Variants in JAKMIP2 observed in about 807,000 individuals in gnomAD.
JAKMIP2 encodes the protein janus kinase and microtubule-interacting protein 2.
JAKMIP2 carries 25 observed loss-of-function variants against 115.0 expected under a neutral mutation model. The ratio of observed to expected loss-of-function variants is 0.22; its 90% CI spans 0.16 to 0.30. The LOEUF is 0.30. Among genes scored for constraint, JAKMIP2 ranks in the 10% least tolerant of loss-of-function variants. The pLI, the probability that JAKMIP2 is intolerant of heterozygous loss-of-function variation, is 1.00. For synonymous variants in JAKMIP2, 334 were observed against 343.6 expected (o/e 0.97, Z 0.31); for missense variants, 642 against 957.6 (o/e 0.67, Z 4.35).
Position 147,782,437 on chromosome 5 carries a change from C to T in JAKMIP2, c.-149+19G>A. ...GAACACTCTAAACCAAGAAGGGAGC[C>T]CTACTGTTTCCTACTCACCATGCTG... On this transcript the variant is annotated intron_variant, in intron 1 of 21. Coordinates refer to ENST00000616793, the MANE Select transcript of JAKMIP2 (RefSeq NM_001270941.2). The T allele has an allele frequency of 1.3e-6, 2 of 1,535,684 alleles. No homozygotes were observed. The highest frequency in any genetic ancestry group is 1.4e-5 in the African/African-American group (1 of 73,114).
intron 1 of JAKMIP2, among the ~76,000 whole-genome samples, chr5:147,676,264 A>G (rs1759955909): frequency 1.3e-5 from 2 of 152,188 alleles, no homozygotes; most frequent in African/African-American, 4.8e-5. Flanking sequence ...TGAACCCGGG[A>G]GGCGGAGCTT....
At chr5:147,695,637 G>T (rs1028729503) in intron 1 of JAKMIP2, among the ~76,000 whole-genome samples, 1 of 149,240 alleles carries the variant, frequency 6.7e-6, no homozygotes, top group Non-Finnish European at 1.5e-5. Flanking sequence ...CTATTGTTAC[G>T]GAAGTGAAAG....
intron 1 of JAKMIP2, among the ~76,000 whole-genome samples, chr5:147,705,173 GTTGATCAAGCTGAGT>G (rs1752514614): frequency 6.6e-6 from 1 of 152,142 alleles, no homozygotes; most frequent in Admixed American, 6.6e-5. Context: ...AAAAACTTGT[GTTGATCAAGCTGAGT>G]TTGAACCCTC....
At chr5:147,698,165 G>A (rs556568120) in intron 1 of JAKMIP2, among the ~76,000 whole-genome samples, 2 of 152,300 alleles carry the variant, frequency 1.3e-5, no homozygotes, top group East Asian at 3.9e-4. Context: ...AAACTTTAGG[G>A]TTTAATGACT....
intron 3 of JAKMIP2, among the ~76,000 whole-genome samples, chr5:147,652,147 T>C (rs1758429732): frequency 1.3e-5 from 2 of 152,094 alleles, no homozygotes; most frequent in Non-Finnish European, 2.9e-5. Flanking sequence ...TTTATAACAA[T>C]CCTATTCAGT....
intron 1 of JAKMIP2, among the ~76,000 whole-genome samples, chr5:147,736,468 T>A (rs961875760): frequency 7.9e-5 from 12 of 151,910 alleles, no homozygotes; most frequent in African/African-American, 1.5e-4. Context: ...AAAAAATAAA[T>A]AATTAAAAAT....
At chr5:147,727,354 T>A (rs185009514) in intron 1 of JAKMIP2, among the ~76,000 whole-genome samples, 43 of 152,318 alleles carry the variant, frequency 2.8e-4, no homozygotes, top group Non-Finnish European at 5.4e-4. Flanking sequence ...TTTACACTGA[T>A]ATAAAGAACT....
At chr5:147,757,483 C>A (rs988937085) in intron 1 of JAKMIP2, among the ~76,000 whole-genome samples, 1 of 152,060 alleles carries the variant, frequency 6.6e-6, no homozygotes, top group African/African-American at 2.4e-5. Context: ...GAGAGCTACT[C>A]AAATCAACTG....
intron 18 of JAKMIP2, among the ~76,000 whole-genome samples, chr5:147,620,025 C>A (rs899382499): frequency 2.0e-5 from 3 of 152,104 alleles, no homozygotes; most frequent in African/African-American, 7.2e-5. Flanking sequence ...AATAAAATTT[C>A]TCTTTAATCT....
chr5:147,775,759 G>C (rs999645157), intron 1 of JAKMIP2, among the ~76,000 whole-genome samples: 2 of 152,148 alleles, frequency 1.3e-5, no homozygotes, highest in Non-Finnish European at 2.9e-5. Context: ...TCTTAGGCCA[G>C]GAGCCCTTTA....
At chr5:147,674,884 G>A (rs1178751767) in intron 1 of JAKMIP2, among the ~76,000 whole-genome samples, 1 of 152,142 alleles carries the variant, frequency 6.6e-6, no homozygotes, top group Non-Finnish European at 1.5e-5. Flanking sequence ...TCAGTATTAT[G>A]GAAGATGGTG....
intron 1 of JAKMIP2, among the ~76,000 whole-genome samples, chr5:147,697,200 G>T (rs1752139927): frequency 6.6e-6 from 1 of 152,120 alleles, no homozygotes; most frequent in Non-Finnish European, 1.5e-5. Flanking sequence ...TTAGAATCAT[G>T]GCAGGAGGTG....
At chr5:147,604,377 C>A (rs1213357838) in intron 20 of JAKMIP2, among the ~76,000 whole-genome samples, 4 of 151,998 alleles carry the variant, frequency 2.6e-5, no homozygotes, top group African/African-American at 9.7e-5. Context: ...TCATGGAACC[C>A]ATGGGAAGAA....
intron 1 of JAKMIP2, among the ~76,000 whole-genome samples, chr5:147,749,560 G>T (rs1754476816): frequency 6.6e-6 from 1 of 152,088 alleles, no homozygotes; most frequent in South Asian, 2.1e-4. Flanking sequence ...TCTGTGAGTT[G>T]TGCATATATC....
At chr5:147,748,022 T>TTGACTGAA (rs1290798916) in intron 1 of JAKMIP2, among the ~76,000 whole-genome samples, 3 of 152,178 alleles carry the variant, frequency 2.0e-5, no homozygotes, top group Non-Finnish European at 4.4e-5. Context: ...ATTGGGAACA[T>TTGACTGAA]TGACTGAATG....
chr5:147,738,167 C>T (rs1026215379), intron 1 of JAKMIP2, among the ~76,000 whole-genome samples: 6 of 151,272 alleles, frequency 4.0e-5, no homozygotes, highest in Non-Finnish European at 7.4e-5. Flanking sequence ...ATTTTTTTTT[C>T]CCACTTAAAA....
intron 2 of JAKMIP2, 39 bp from the exon 3 acceptor site, chr5:147,661,484 C>A (rs373470868): frequency 4.4e-6 from 7 of 1,578,238 alleles, no homozygotes; most frequent in Non-Finnish European, 6.0e-6. Context: ...AGAAATGAGC[C>A]TCAAAGGACG....
chr5:147,660,569 G>A (rs868235345), intron 3 of JAKMIP2: 1 of 393,244 alleles, frequency 2.5e-6, no homozygotes, highest in South Asian at 2.0e-5. Flanking sequence ...CAAAGGAAAA[G>A]CCCACAAAAA....
At chr5:147,615,900 A>C (rs969574307) in intron 19 of JAKMIP2, among the ~76,000 whole-genome samples, 10 of 152,112 alleles carry the variant, frequency 6.6e-5, no homozygotes, top group African/African-American at 2.4e-4. Flanking sequence ...AAGCTGGTGG[A>C]ATAATGAAAG....
Sources: gnomAD v4.1 joint callset for allele counts (sites outside exome capture counted in the v4.1 genomes callset) on GRCh38, gnomAD v4.1.1 for gene constraint, MANE v1.5 for transcripts, NCBI Gene and HGNC (gene_info 2026-07-23, HGNC 2026-07-21) for gene names.